Variants in FARP1 observed in about 807,000 individuals in gnomAD.
FARP1 encodes the protein FERM, ARH/RhoGEF and pleckstrin domain protein 1.
In FARP1, 52 loss-of-function variants were observed where a neutral mutation model predicts 128.8. The ratio of observed to expected loss-of-function variants is 0.40; its 90% CI spans 0.32 to 0.51. The LOEUF (loss-of-function observed/expected upper bound fraction) is 0.51. Among genes scored for constraint, FARP1 ranks in the 20% least tolerant of loss-of-function variants. The pLI is 0.45. For synonymous variants in FARP1, 580 were observed against 551.8 expected, an observed-to-expected ratio of 1.05 and a Z score of -0.72; for missense variants, 1,333 against 1,367.9, an observed-to-expected ratio of 0.97 and a Z score of 0.40.
chr13:98,349,030 G>C (rs1334248713), intron 3 of FARP1, among the ~76,000 whole-genome samples: 2 of 152,224 alleles, frequency 1.3e-5, no homozygotes, highest in Non-Finnish European at 1.5e-5. Context: ...GTCGGAAAGA[G>C]CTGCACAAAC....
chr13:98,442,986 G>A (rs1189915874), intron 24 of FARP1, among the ~76,000 whole-genome samples: 2 of 152,220 alleles, frequency 1.3e-5, no homozygotes, highest in African/African-American at 2.4e-5. Flanking sequence ...GTGGCCCAGA[G>A]CCACCTGCAG....
chr13:98,143,747 A>C (rs1205362169), intron 1 of FARP1, among the ~76,000 whole-genome samples: 1 of 149,000 alleles, frequency 6.7e-6, no homozygotes, highest in Non-Finnish European at 1.5e-5. Flanking sequence ...CTCTCCCCTC[A>C]CCTCCGCCGA....
chr13:98,438,809 C>T lies in FARP1; in HGVS notation c.2280C>T (p.Phe760=). The T allele has an allele frequency of 1.2e-6, 2 of 1,612,562 alleles. No homozygotes were observed. Among genetic ancestry groups the T allele is most frequent in the South Asian group, 1.1e-5 (1 of 91,010 alleles). ...IDNLVVPGRE[F]IRLGSLSKLS... ...CCGGTCTGTCTCCCCTGCAGGAGTTCATCCGTCTGGGCAGCCTCAGCAAGC... is the reference window on the plus strand; with the variant it reads ...CCGGTCTGTCTCCCCTGCAGGAGTTTATCCGTCTGGGCAGCCTCAGCAAGC... The change falls in exon 20 of 27, where the codon TTC becomes TTT. Residue 760 remains phenylalanine, a synonymous_variant. Coordinates refer to ENST00000319562, the MANE Select transcript of FARP1 (RefSeq NM_005766.4).
intron 2 of FARP1, among the ~76,000 whole-genome samples, chr13:98,341,201 G>A (rs1377341084): frequency 6.6e-6 from 1 of 151,904 alleles, no homozygotes; most frequent in Non-Finnish European, 1.5e-5. Context: ...TGGCTCCTCT[G>A]TTTCATGCTG....
At chr13:98,220,371 G>T (rs1156990041) in intron 2 of FARP1, among the ~76,000 whole-genome samples, 1 of 152,188 alleles carries the variant, frequency 6.6e-6, no homozygotes, top group Non-Finnish European at 1.5e-5. Context: ...TGTGTGCCCA[G>T]AACTGCTTTT....
At chr13:98,192,809 G>A (rs1395941875) in intron 1 of FARP1, among the ~76,000 whole-genome samples, 1 of 152,188 alleles carries the variant, frequency 6.6e-6, no homozygotes, top group African/African-American at 2.4e-5. Context: ...GGAAGCCAGA[G>A]AAATTTGCTT....
intron 2 of FARP1, among the ~76,000 whole-genome samples, chr13:98,305,038 G>T (rs1886079446): frequency 6.6e-6 from 1 of 152,022 alleles, no homozygotes; most frequent in African/African-American, 2.4e-5. Flanking sequence ...GAGAGAGAGA[G>T]GAGTGAAGGT....
chr13:98,403,714 A>G (rs1041253694), intron 13 of FARP1: 1 of 152,320 alleles, frequency 6.6e-6, no homozygotes, highest in East Asian at 1.9e-4. Context: ...TCAATAAAGC[A>G]TGGACTCATA....
chr13:98,215,152 G>C (rs1295384479), intron 2 of FARP1, among the ~76,000 whole-genome samples: 20 of 152,192 alleles, frequency 1.3e-4, no homozygotes. Flanking sequence ...CTATTTAGCA[G>C]CTATCCAGGA....
chr13:98,326,131 T>C (rs1174331414), intron 2 of FARP1, among the ~76,000 whole-genome samples: 2 of 152,208 alleles, frequency 1.3e-5, no homozygotes, highest in Non-Finnish European at 2.9e-5. Context: ...AATAAACATA[T>C]GCAAAAGGAC....
intron 2 of FARP1, among the ~76,000 whole-genome samples, chr13:98,269,689 G>T (rs1170104393): frequency 6.6e-6 from 1 of 152,222 alleles, no homozygotes; most frequent in Admixed American, 6.5e-5. Flanking sequence ...CAAGGAAGGG[G>T]TTGGGGAAGA....
intron 2 of FARP1, among the ~76,000 whole-genome samples, chr13:98,242,313 A>C (rs1882817795): frequency 6.6e-6 from 1 of 152,134 alleles, no homozygotes; most frequent in African/African-American, 2.4e-5. Context: ...CTGGAATAGC[A>C]CTCAACATTC....
intron 9 of FARP1, among the ~76,000 whole-genome samples, chr13:98,388,863 C>T (rs1394626438): frequency 6.6e-6 from 1 of 152,226 alleles, no homozygotes; most frequent in African/African-American, 2.4e-5. Context: ...CTGACTTCCC[C>T]AATCCCTGCT....
chr13:98,268,778 TTGTGTG>T (rs59132299), intron 2 of FARP1, among the ~76,000 whole-genome samples: 54,990 of 148,126 alleles, frequency 0.37, 10,764 homozygotes, highest in East Asian at 0.58. Flanking sequence ...TTTCCCTTCT[TTGTGTG>T]TGTGTGTGTG....
At chr13:98,154,073 C>A (rs1180793318) in intron 1 of FARP1, among the ~76,000 whole-genome samples, 9 of 152,184 alleles carry the variant, frequency 5.9e-5, no homozygotes. Flanking sequence ...TGGCCTCTTT[C>A]ATTCAGCCTA....
At chr13:98,408,097 G>T (rs1196639334) in intron 13 of FARP1, among the ~76,000 whole-genome samples, 1 of 152,138 alleles carries the variant, frequency 6.6e-6, no homozygotes, top group Non-Finnish European at 1.5e-5. Flanking sequence ...GTAGTAGACA[G>T]GACTGCAGGT....
intron 11 of FARP1, among the ~76,000 whole-genome samples, chr13:98,392,087 G>A (rs993937238): frequency 2.0e-5 from 3 of 151,800 alleles, no homozygotes; most frequent in Non-Finnish European, 4.4e-5. Context: ...AAACCCCCTT[G>A]AACCACCAGC....
chr13:98,164,578 A>T (rs1280172521), intron 1 of FARP1, among the ~76,000 whole-genome samples: 1 of 152,232 alleles, frequency 6.6e-6, no homozygotes, highest in East Asian at 1.9e-4. Context: ...TACTGCTGTG[A>T]ACCCAATGAG....
rs1469363817 is a variant in FARP1, at chr13:98,219,541, A to G, written c.171+6128A>G. ...TTATTTGTAGAGATGAGGTCTTGCT[A>G]TGTTGTCCAGTCTGGAACTCCTGGT... On this transcript the variant is annotated intron_variant, in intron 2 of 26. Coordinates refer to ENST00000319562, the MANE Select transcript of FARP1 (RefSeq NM_005766.4). Among the ~76,000 whole-genome samples, 4 of 152,122 alleles carry G rather than the reference A, an allele frequency of 2.6e-5. No individual in the cohort carries two copies. In the East Asian group the frequency reaches 7.7e-4, roughly 29 times the overall value.
Sources: gnomAD v4.1 joint callset for allele counts (sites outside exome capture counted in the v4.1 genomes callset) on GRCh38, gnomAD v4.1.1 for gene constraint, MANE v1.5 for transcripts, NCBI Gene and HGNC (gene_info 2026-07-23, HGNC 2026-07-21) for gene names.